KCND2: variants seen among roughly 807,000 people sequenced by gnomAD.
KCND2 encodes the protein A-type voltage-gated potassium channel KCND2.
A neutral mutation model predicts 54.4 loss-of-function variants in KCND2; 16 were observed. The observed-to-expected ratio is 0.29, with a 90% confidence interval of 0.20 to 0.45. The LOEUF (loss-of-function observed/expected upper bound fraction) is 0.45, where lower values mean the gene tolerates loss of function less well. Ranked by LOEUF, KCND2 falls within the 20% of genes least tolerant of loss-of-function variation. The pLI is 1.00. For missense variants in KCND2, 486 were observed against 824.2 expected, an observed-to-expected ratio of 0.59 and a Z score of 5.02; for synonymous variants, 317 against 310.7, an observed-to-expected ratio of 1.02 and a Z score of -0.21.
chr7:120,314,660 A>G (rs952889149), intron 1 of KCND2, among the ~76,000 whole-genome samples: 12 of 152,206 alleles, frequency 7.9e-5, no homozygotes, highest in Non-Finnish European at 1.6e-4. Flanking sequence ...TCTGTATACA[A>G]CATAAAGGTT....
At chr7:120,675,385 C>A (rs1792047237) in intron 1 of KCND2, among the ~76,000 whole-genome samples, 1 of 151,836 alleles carries the variant, frequency 6.6e-6, no homozygotes, top group South Asian at 2.1e-4. Context: ...CCACCATGCC[C>A]AGCTAATTTT....
intron 1 of KCND2, among the ~76,000 whole-genome samples, chr7:120,540,644 A>G (rs1424499085): frequency 6.6e-6 from 1 of 152,200 alleles, no homozygotes. Context: ...AAACAGGTCA[A>G]CTGTAAGAGA....
intron 1 of KCND2, among the ~76,000 whole-genome samples, chr7:120,488,960 G>A (rs1802732849): frequency 6.6e-6 from 1 of 151,952 alleles, no homozygotes; most frequent in Non-Finnish European, 1.5e-5. Context: ...CCATTTCAGA[G>A]TATAGAATGT....
chr7:120,658,639 A>G (rs1350918396), intron 1 of KCND2, among the ~76,000 whole-genome samples: 1 of 152,218 alleles, frequency 6.6e-6, no homozygotes, highest in Non-Finnish European at 1.5e-5. Flanking sequence ...ATAGACACCA[A>G]CATTCAAACC....
chr7:120,664,417 A>G (rs995088429), intron 1 of KCND2, among the ~76,000 whole-genome samples: 3 of 152,024 alleles, frequency 2.0e-5, no homozygotes, highest in Non-Finnish European at 4.4e-5. Flanking sequence ...ACACTGCTAT[A>G]CTTATGGTAT....
At chr7:120,414,446 A>C (rs1801497550) in intron 1 of KCND2, among the ~76,000 whole-genome samples, 1 of 152,106 alleles carries the variant, frequency 6.6e-6, no homozygotes, top group Admixed American at 6.6e-5. Flanking sequence ...TACGTATTTC[A>C]GTTTTCCTCT....
intron 1 of KCND2, among the ~76,000 whole-genome samples, chr7:120,680,844 G>A (rs1280601883): frequency 6.6e-6 from 1 of 151,970 alleles, no homozygotes; most frequent in Non-Finnish European, 1.5e-5. Context: ...TAAAAGTATA[G>A]GGAATAGTGA....
At chr7:120,320,745 A>G (rs1799883029) in intron 1 of KCND2, among the ~76,000 whole-genome samples, 2 of 152,108 alleles carry the variant, frequency 1.3e-5, no homozygotes, top group African/African-American at 2.4e-5. Flanking sequence ...AAGAACTAAG[A>G]GTCTAAGTGG....
At chr7:120,424,305 T>TA (rs1334754575) in intron 1 of KCND2, among the ~76,000 whole-genome samples, 1 of 152,196 alleles carries the variant, frequency 6.6e-6, no homozygotes, top group Non-Finnish European at 1.5e-5. Context: ...AAAATGTAGA[T>TA]AATATTTACC....
chr7:120,364,254 G>GA (rs1800636232), intron 1 of KCND2, among the ~76,000 whole-genome samples: 1 of 152,112 alleles, frequency 6.6e-6, no homozygotes, highest in Admixed American at 6.6e-5. Flanking sequence ...TCTCTGGGGG[G>GA]AACCCCACCA....
chr7:120,446,542 A>G (rs983564477), intron 1 of KCND2, among the ~76,000 whole-genome samples: 2 of 135,022 alleles, frequency 1.5e-5, no homozygotes, highest in Admixed American at 1.5e-4. Flanking sequence ...ATACCATATT[A>G]TAAACACACA....
At chr7:120,368,103 C>T (rs1349922276) in intron 1 of KCND2, among the ~76,000 whole-genome samples, 2 of 152,090 alleles carry the variant, frequency 1.3e-5, no homozygotes, top group African/African-American at 4.8e-5. Context: ...AAGGTTCATT[C>T]GATCCGAAGC....
At chr7:120,728,011 G>A (rs976281919) in intron 1 of KCND2, among the ~76,000 whole-genome samples, 2 of 151,356 alleles carry the variant, frequency 1.3e-5, no homozygotes, top group African/African-American at 4.8e-5. Flanking sequence ...GCATGTGCCT[G>A]TAATCCCAGC....
intron 1 of KCND2, among the ~76,000 whole-genome samples, chr7:120,322,421 C>G (rs1315631810): frequency 6.6e-6 from 1 of 152,102 alleles, no homozygotes. Flanking sequence ...AACTCCCTTT[C>G]TTTGTCTACT....
intron 1 of KCND2, among the ~76,000 whole-genome samples, chr7:120,692,939 C>T (rs374949105): frequency 1.3e-5 from 2 of 152,164 alleles, no homozygotes; most frequent in South Asian, 4.2e-4. Flanking sequence ...GTACATTTTC[C>T]CCGCAAAGGA....
intron 1 of KCND2, among the ~76,000 whole-genome samples, chr7:120,588,761 G>A (rs1584842527): frequency 6.6e-6 from 1 of 152,296 alleles, no homozygotes; most frequent in South Asian, 2.1e-4. Context: ...AACAGGACAG[G>A]AACAGGAAGA....
chr7:120,656,295 T>C (rs910996215), intron 1 of KCND2, among the ~76,000 whole-genome samples: 4 of 152,190 alleles, frequency 2.6e-5, no homozygotes, highest in African/African-American at 7.2e-5. Context: ...CCGAAAATAC[T>C]TAAGGATATA....
chr7:120,304,111 T>C (rs1652330773), intron 1 of KCND2, among the ~76,000 whole-genome samples: 1 of 152,102 alleles, frequency 6.6e-6, no homozygotes, highest in Non-Finnish European at 1.5e-5. Context: ...TAGGATAAGA[T>C]CTTCAGGGCC....
At chr7:120,357,918 C>A (rs771899880) in intron 1 of KCND2, among the ~76,000 whole-genome samples, 4 of 151,996 alleles carry the variant, frequency 2.6e-5, no homozygotes, top group Non-Finnish European at 5.9e-5. Context: ...ACAGCCACAT[C>A]GGGGGTTGCA....
Sources: allele counts gnomAD v4.1 joint callset (sites outside exome capture counted in the v4.1 genomes callset), GRCh38; gene constraint gnomAD v4.1.1; transcripts MANE v1.5; gene names NCBI Gene and HGNC (gene_info 2026-07-23, HGNC 2026-07-21).